The following RARA variants were observed in gnomAD, a reference collection of about 807,000 sequenced individuals.
The protein encoded by RARA is retinoic acid receptor alpha.
Under a neutral mutation model 42.8 loss-of-function variants are expected in RARA, and 5 were observed. The observed-to-expected ratio is 0.12, with a 90% CI of 0.06 to 0.25. The LOEUF is 0.25. Ranked by LOEUF, RARA falls within the 10% of genes least tolerant of loss-of-function variation. The pLI, the probability that RARA is intolerant of heterozygous loss-of-function variation, is 1.00. For synonymous variants in RARA, 256 were observed against 259.5 expected, an observed-to-expected ratio of 0.99 and a Z score of 0.13; for missense variants, 402 against 628.7, an observed-to-expected ratio of 0.64 and a Z score of 3.86.
In RARA at chr17:40,345,882, T is replaced by TA. The variant is rs1317884945; in HGVS notation, c.179-2434_179-2433insA. 1.3e-5 allele frequency among the ~76,000 whole-genome samples: 2 copies of TA among 152,122 alleles called. No homozygotes were observed. Among genetic ancestry groups the TA allele is most frequent in the Non-Finnish European group, 2.9e-5 (2 of 68,002 alleles). The stretch of plus-strand genomic sequence containing the variant: ...CCGGCCTTGGTCCTTGTACCTCACC[T>TA]CCTTGGACTGCTGGCTGGAGGCCTG... On this transcript the variant is annotated intron_variant, in intron 2 of 8. Transcript: ENST00000254066. The surrounding 1 kb of genome is among the most constrained non-coding windows in gnomAD (Gnocchi z 4.8).
chr17:40,348,304 TTC>T lies in RARA; in HGVS notation c.179-4_179-3del, dbSNP rs2143457989. On this transcript the variant is annotated splice_polypyrimidine_tract_variant and intron_variant, in intron 2 of 8. Coordinates refer to ENST00000254066, the MANE Select transcript of RARA (RefSeq NM_000964.4). ...TAGGTCTCTAACTGCCCCTCCCCTC[TTC>T]TCTCTCTAGCCATTGAGACCCAGAG... 3 of 1,565,938 alleles carry T rather than the reference TTC, an allele frequency of 1.9e-6. No individual in the cohort carries two copies. Among genetic ancestry groups the T allele is most frequent in the Non-Finnish European group, 1.7e-6 (2 of 1,155,972 alleles).
Position 40,348,370 on chromosome 17 carries a change from C to T in RARA, c.233C>T (p.Pro78Leu). 6.2e-7 allele frequency: 1 copy of T among 1,613,020 alleles called. No homozygotes were observed. Among genetic ancestry groups the T allele is most frequent in the Non-Finnish European group, 8.5e-7 (1 of 1,179,466 alleles). ...GAGATAGTGCCCAGCCCTCCCTCGC[C>T]ACCCCCTCTACCCCGCATCTACAAG... Reference protein sequence around the residue: ...SEEIVPSPPSPPPLPRIYKPC... With the variant: ...SEEIVPSPPSLPPLPRIYKPC... The change falls in exon 3 of 9, where the codon CCA becomes CTA. Residue 78 changes from proline to leucine, a missense_variant. This residue lies in a region of RARA where 91 missense variants were observed against 105.2 expected (regional missense o/e 0.87). Transcript: ENST00000254066.
In RARA at chr17:40,331,279, G is replaced by A; in HGVS notation, c.61G>A (p.Val21Met). 1 of 1,613,920 alleles carries A rather than the reference G, an allele frequency of 6.2e-7. No homozygotes were observed. The highest frequency in any genetic ancestry group is 1.7e-4 in the Middle Eastern group (1 of 6,058). ...GGGCGGGCACCTCAATGGGTACCCG[G>A]TGCCTCCCTACGCCTTCTTCTTCCC... ...PGGGHLNGYPVPPYAFFFPPM... is the reference protein window; with the variant it reads ...PGGGHLNGYPMPPYAFFFPPM... The change falls in exon 2 of 9, where the codon GTG (valine) becomes ATG (methionine). Residue 21 changes from valine to methionine, a missense_variant. Around this residue, in one of 5 missense-constraint regions of RARA, gnomAD observed 91 missense variants for 105.2 expected, o/e 0.87. Coordinates refer to ENST00000254066, the MANE Select transcript of RARA (RefSeq NM_000964.4).
At chr17:40,348,062 T>G in intron 2 of RARA, 1 of 388,082 alleles carries the variant, frequency 2.6e-6, no homozygotes, top group Non-Finnish European at 4.6e-6. Context: ...AATGTGATGG[T>G]TTATCATTGT....
At chr17:40,350,486 C>G (rs1374576827) in intron 4 of RARA, 1 of 152,962 alleles carries the variant, frequency 6.5e-6, no homozygotes, top group Non-Finnish European at 1.5e-5. Context: ...TCAGCTGAGG[C>G]CTGATGGAGG....
At chr17:40,346,939 C>G (rs2034286204) in intron 2 of RARA, among the ~76,000 whole-genome samples, 2 of 152,218 alleles carry the variant, frequency 1.3e-5, no homozygotes, top group Non-Finnish European at 2.9e-5. Flanking sequence ...AAAGCCCTGC[C>G]AAGGTTGTTG....
At chr17:40,312,951 G>A (rs147731464) in intron 1 of RARA, among the ~76,000 whole-genome samples, 107 of 152,326 alleles carry the variant, frequency 7.0e-4, no homozygotes, top group African/African-American at 2.4e-3. Context: ...GGAGGACCAC[G>A]AGCCAGGCAC....
chr17:40,336,525 A>G (rs2033855315), intron 2 of RARA, among the ~76,000 whole-genome samples: 1 of 151,848 alleles, frequency 6.6e-6, no homozygotes, highest in South Asian at 2.1e-4. Context: ...AGTAGCTGGG[A>G]CTACAGATGC....
At chr17:40,322,113 G>A (rs962166637) in intron 1 of RARA, among the ~76,000 whole-genome samples, 1 of 151,984 alleles carries the variant, frequency 6.6e-6, no homozygotes, top group African/African-American at 2.4e-5. Context: ...TCTGGGTCTG[G>A]CTGGCCGCCC....
rs2143548872 is a variant in RARA at position 40,356,133 on chromosome 17, G to A, written c.1296G>A (p.Arg432=). Residue 432 remains arginine, a synonymous_variant, in exon 9 of 9, where the codon CGG becomes CGA. Coordinates refer to ENST00000254066, the MANE Select transcript of RARA (RefSeq NM_000964.4). ...TLSGQPGGGG[R]DGGGLAPPPG... ...GCGGACAGCCGGGGGGTGGGGGGCGGGACGGGGGTGGCCTGGCCCCCCCGC... is the reference window on the plus strand; with the variant it reads ...GCGGACAGCCGGGGGGTGGGGGGCGAGACGGGGGTGGCCTGGCCCCCCCGC... 2.0e-6 allele frequency: 1 copy of A among 502,596 alleles called. No individual in the cohort carries two copies. Among genetic ancestry groups the A allele is most frequent in the Non-Finnish European group, 3.9e-6 (1 of 258,700 alleles). 31.1% of individuals were successfully genotyped at this position (502,596 alleles called of 1,614,324 possible).
intron 1 of RARA, among the ~76,000 whole-genome samples, chr17:40,315,100 G>GTATA (rs10653964): frequency 0.12 from 9,014 of 72,522 alleles, 627 homozygotes; most frequent in East Asian, 0.34. Flanking sequence ...TGGGTTATAT[G>GTATA]TATATATATA....
At chr17:40,311,965 CCTG>C (rs2033103919) in intron 1 of RARA, among the ~76,000 whole-genome samples, 1 of 152,242 alleles carries the variant, frequency 6.6e-6, no homozygotes, top group African/African-American at 2.4e-5. Context: ...GCCTACATCT[CCTG>C]CTCTCATTTT....
In RARA at chr17:40,320,149, G is replaced by A. The variant is rs935911394; in HGVS notation, c.-362-10708G>A. Reference sequence around the variant, plus strand: ...GCAGGGGTTTCACCATCAGACTGGCGACGGTGGCACAGATGCAGTGGCAGT... The same window carrying A: ...GCAGGGGTTTCACCATCAGACTGGCAACGGTGGCACAGATGCAGTGGCAGT... On this transcript the variant is annotated intron_variant, in intron 1 of 8. Coordinates refer to ENST00000254066, the MANE Select transcript of RARA (RefSeq NM_000964.4). The surrounding 1 kb of genome is among the most constrained non-coding windows in gnomAD (Gnocchi z 4.1). Among the ~76,000 whole-genome samples the A allele has an allele frequency of 6.6e-5, 10 of 152,110 alleles. No individual in the cohort carries two copies. The highest frequency in any genetic ancestry group is 4.6e-4 in the Admixed American group (7 of 15,282).
chr17:40,357,136 G>GATAC lies in RARA; in HGVS notation c.*910_*911insATAC. On this transcript the variant is annotated 3_prime_UTR_variant, in exon 9 of 9. Transcript: ENST00000254066. ...TGCACCCACCATGAGGCATGGAGCAGGGCAGAGCAAGGGCCCCGGGACAGA... is the reference window on the plus strand; with the variant it reads ...TGCACCCACCATGAGGCATGGAGCAGATACGGCAGAGCAAGGGCCCCGGGACAGA... 4 of 251,490 alleles carry GATAC rather than the reference G, an allele frequency of 1.6e-5. No homozygotes were observed. Among genetic ancestry groups the GATAC allele is most frequent in the Admixed American group, 5.2e-5 (1 of 19,416 alleles). The allele number at this position is 251,490 out of a possible 1,614,324, so 15.6% of individuals were successfully genotyped here.
At chr17:40,342,176 A>G (rs1177230957) in intron 2 of RARA, 1 of 1,049,140 alleles carries the variant, frequency 9.5e-7, no homozygotes, top group African/African-American at 1.7e-5. Context: ...GCGTACCACC[A>G]GAGACCGAGC....
chr17:40,351,920 C>T lies in RARA; in HGVS notation c.480C>T (p.Asn160=), dbSNP rs756501234. 2.7e-5 allele frequency: 43 copies of T among 1,612,000 alleles called. 1 individual carries two copies. In the South Asian group the frequency reaches 3.6e-4, roughly 14 times the overall value. ...EVGMSKESVR[N]DRNKKKKEVP... ...CTCTGCCCTCCACAGCTGTGAGAAA[C>T]GACCGAAACAAGAAGAAGAAGGAGG... Residue 160 remains asparagine (N), a synonymous_variant, in exon 5 of 9, where the codon AAC becomes AAT. Coordinates refer to ENST00000254066, the MANE Select transcript of RARA (RefSeq NM_000964.4). This position sits in a 1 kb window ranked among gnomAD's most constrained non-coding sequence, Gnocchi z 4.1.
intron 1 of RARA, among the ~76,000 whole-genome samples, chr17:40,309,874 A>G: frequency 6.6e-6 from 1 of 152,192 alleles, no homozygotes; most frequent in Non-Finnish European, 1.5e-5. Flanking sequence ...AAGTTCTTTC[A>G]GCTTAGAGCC....
chr17:40,321,155 G>A (rs2033364689), intron 1 of RARA, among the ~76,000 whole-genome samples: 1 of 151,934 alleles, frequency 6.6e-6, no homozygotes, highest in African/African-American at 2.4e-5. Flanking sequence ...AGTATTCTGG[G>A]AATTGGCAGG....
chr17:40,342,225 G>C, intron 2 of RARA: 1 of 1,051,308 alleles, frequency 9.5e-7, no homozygotes, highest in Non-Finnish European at 1.1e-6. Flanking sequence ...GGGCGGAACC[G>C]CGCGGGATCC....
Sources: allele counts gnomAD v4.1 joint callset (sites outside exome capture counted in the v4.1 genomes callset), GRCh38; gene constraint gnomAD v4.1.1; regional missense constraint gnomAD v4.1.1; non-coding constraint Gnocchi (gnomAD v3.1); transcripts MANE v1.5; gene names NCBI Gene and HGNC (gene_info 2026-07-23, HGNC 2026-07-21).